HTR1E: variants seen among roughly 807,000 people sequenced by gnomAD.
HTR1E encodes the protein 5-hydroxytryptamine receptor 1E.
HTR1E carries 3 observed loss-of-function variants against 3.4 expected under a neutral mutation model. That is an observed-to-expected ratio of 0.89 (90% CI 0.41 to 2.31). The LOEUF (loss-of-function observed/expected upper bound fraction) is 2.31, where lower values mean the gene tolerates loss of function less well. Among genes scored for constraint, HTR1E ranks in the 30% most tolerant of loss-of-function variants. The pLI is 0.05. For missense variants in HTR1E, 392 were observed against 467.0 expected (o/e 0.84, Z 1.48); for synonymous variants, 170 against 182.8 (o/e 0.93, Z 0.56).
chr6:86,989,073 C>A (rs1767837459), intron 1 of HTR1E, among the ~76,000 whole-genome samples: 1 of 152,190 alleles, frequency 6.6e-6, no homozygotes, highest in Non-Finnish European at 1.5e-5. Flanking sequence ...AAACTAGAGG[C>A]TACTTCTTTC....
chr6:87,012,345 T>C (rs1033137988), intron 1 of HTR1E, among the ~76,000 whole-genome samples: 3 of 152,070 alleles, frequency 2.0e-5, no homozygotes, highest in Non-Finnish European at 4.4e-5. Context: ...AGCTAAATAT[T>C]GAATAACACA....
chr6:87,010,004 C>G (rs1227553690), intron 1 of HTR1E, among the ~76,000 whole-genome samples: 18 of 116,220 alleles, frequency 1.5e-4, no homozygotes, highest in African/African-American at 2.4e-4. Flanking sequence ...GCTGGCCGGG[C>G]GGAGGGCTGA....
intron 1 of HTR1E, among the ~76,000 whole-genome samples, chr6:86,992,960 C>T (rs558916271): frequency 2.6e-5 from 4 of 152,176 alleles, no homozygotes; most frequent in Admixed American, 2.6e-4. Context: ...CTATCCCACT[C>T]GTCCATTCAG....
In HTR1E at chr6:86,956,503, C is replaced by T. The variant is rs113063883; in HGVS notation, c.-186+18680C>T. Reference sequence around the variant, plus strand: ...CTTTAAATCCACCTATAACTGGAAGCTGCCCTGCCACCATCACTGCTTTGA... The same window carrying T: ...CTTTAAATCCACCTATAACTGGAAGTTGCCCTGCCACCATCACTGCTTTGA... On this transcript the variant is annotated intron_variant, in intron 1 of 1. Coordinates refer to ENST00000305344, the MANE Select transcript of HTR1E (RefSeq NM_000865.3). Among the ~76,000 whole-genome samples the T allele has an allele frequency of 7.0e-3, 1,071 of 152,246 alleles. 12 individuals are homozygous for T. Among genetic ancestry groups the T allele is most frequent in the African/African-American group, 0.024 (1,011 of 41,530 alleles).
intron 1 of HTR1E, among the ~76,000 whole-genome samples, chr6:86,948,732 C>T (rs1270842605): frequency 6.6e-6 from 1 of 152,116 alleles, no homozygotes; most frequent in Non-Finnish European, 1.5e-5. Context: ...ATCTTGTTCT[C>T]CAGGGCACTG....
At chr6:87,002,349 G>A (rs1378788825) in intron 1 of HTR1E, among the ~76,000 whole-genome samples, 1 of 152,240 alleles carries the variant, frequency 6.6e-6, no homozygotes, top group Non-Finnish European at 1.5e-5. Flanking sequence ...TGGACCCAAA[G>A]AGTGAGCAAC....
At chr6:86,999,126 A>AT (rs1180835745) in intron 1 of HTR1E, among the ~76,000 whole-genome samples, 1 of 151,724 alleles carries the variant, frequency 6.6e-6, no homozygotes, top group Non-Finnish European at 1.5e-5. Flanking sequence ...CGCCAGGCTA[A>AT]TTTTTTTTAT....
chr6:86,949,008 G>T (rs1407750936), intron 1 of HTR1E, among the ~76,000 whole-genome samples: 1 of 152,234 alleles, frequency 6.6e-6, no homozygotes, highest in African/African-American at 2.4e-5. Flanking sequence ...ACTTGACACT[G>T]AAGTTTCATG....
At chr6:86,948,047 C>A (rs113393449) in intron 1 of HTR1E, among the ~76,000 whole-genome samples, 105 of 152,162 alleles carry the variant, frequency 6.9e-4, no homozygotes, top group Middle Eastern at 3.4e-3. Flanking sequence ...CTCCACCCCG[C>A]GACAGGCCCC....
chr6:86,969,753 C>A (rs138250528), intron 1 of HTR1E, among the ~76,000 whole-genome samples: 3 of 152,190 alleles, frequency 2.0e-5, no homozygotes, highest in Admixed American at 6.5e-5. Context: ...AGGTCCCACA[C>A]GTGACCTAGG....
intron 1 of HTR1E, among the ~76,000 whole-genome samples, chr6:86,995,169 G>A (rs923674160): frequency 2.6e-5 from 4 of 151,860 alleles, no homozygotes; most frequent in South Asian, 4.1e-4. Context: ...TCTACATACC[G>A]ACCCGGAGCC....
In HTR1E at chr6:86,971,213, T is replaced by C. The variant is rs1009216390; in HGVS notation, c.-186+33390T>C. 53 of 373,724 alleles carry C rather than the reference T, an allele frequency of 1.4e-4. 1 individual carries two copies. The highest frequency in any genetic ancestry group is 1.1e-3 in the African/African-American group (50 of 47,176). The allele number at this position is 373,724 out of a possible 1,614,324, so 23.2% of individuals were successfully genotyped here. On this transcript the variant is annotated intron_variant, in intron 1 of 1. Transcript: ENST00000305344. ...ACTAAGGTGTCTACCATGATTATTT[T>C]TATAATCTAATCCATTAGTAAACAG... is the stretch of plus-strand genomic sequence containing the variant.
At chr6:86,980,786 G>A (rs1297303109) in intron 1 of HTR1E, among the ~76,000 whole-genome samples, 1 of 152,128 alleles carries the variant, frequency 6.6e-6, no homozygotes, top group Non-Finnish European at 1.5e-5. Context: ...ATGTAAACTG[G>A]AAACAATTGT....
chr6:86,991,157 C>T (rs1767865669), intron 1 of HTR1E, among the ~76,000 whole-genome samples: 1 of 152,050 alleles, frequency 6.6e-6, no homozygotes, highest in Admixed American at 6.6e-5. Flanking sequence ...TTCCTTAAGA[C>T]AGTCAGTCAT....
At chr6:87,006,920 G>T (rs761375725) in intron 1 of HTR1E, among the ~76,000 whole-genome samples, 1 of 151,724 alleles carries the variant, frequency 6.6e-6, no homozygotes, top group Non-Finnish European at 1.5e-5. Context: ...TGGGGCCTGC[G>T]GGGGGAGTGG....
Position 87,015,880 on chromosome 6 carries a change from C to T in HTR1E, c.546C>T (p.Tyr182=). 1 of 1,613,438 alleles carries T rather than the reference C, an allele frequency of 6.2e-7. No individual in the cohort carries two copies. The highest frequency in any genetic ancestry group is 1.1e-5 in the South Asian group (1 of 90,916). The change falls in exon 2 of 2, where the codon TAC becomes TAT. Residue 182 remains tyrosine, a synonymous_variant. Coordinates refer to ENST00000305344, the MANE Select transcript of HTR1E (RefSeq NM_000865.3). ...CCATCCAGCACGACCATGTTATCTA[C>T]ACCATTTACTCCACGCTGGGTGCGT... The part of the protein sequence containing the change: ...QCTIQHDHVI[Y]TIYSTLGAFY...
chr6:86,942,844 A>G (rs1453990766), intron 1 of HTR1E, among the ~76,000 whole-genome samples: 1 of 152,248 alleles, frequency 6.6e-6, no homozygotes, highest in Admixed American at 6.5e-5. Flanking sequence ...TGACTTACAT[A>G]TAAATGAAGC....
intron 1 of HTR1E, among the ~76,000 whole-genome samples, chr6:86,976,543 A>G (rs1018432563): frequency 6.6e-6 from 1 of 152,224 alleles, no homozygotes; most frequent in Non-Finnish European, 1.5e-5. Flanking sequence ...TTGGAGCATC[A>G]GTTTTGGACA....
At chr6:87,014,117 G>A (rs376132759) in intron 1 of HTR1E, among the ~76,000 whole-genome samples, 59 of 152,136 alleles carry the variant, frequency 3.9e-4, no homozygotes, top group African/African-American at 1.2e-3. Context: ...TCGTGGGGTC[G>A]GGGGACGGGG....
Sources: gnomAD v4.1 joint callset for allele counts (sites outside exome capture counted in the v4.1 genomes callset) on GRCh38, gnomAD v4.1.1 for gene constraint, MANE v1.5 for transcripts, NCBI Gene and HGNC (gene_info 2026-07-23, HGNC 2026-07-21) for gene names.